Variants in LRMDA observed in about 807,000 individuals in gnomAD.
The protein encoded by LRMDA is leucine rich melanocyte differentiation associated, also known as leucine-rich melanocyte differentiation-associated protein.
A neutral mutation model predicts 29.8 loss-of-function variants in LRMDA; 18 were observed. That is an observed-to-expected ratio of 0.60 (90% confidence interval 0.42 to 0.90). LRMDA has a LOEUF of 0.90. Ranked by LOEUF, LRMDA falls within the 40% of genes least tolerant of loss-of-function variation. The pLI is 0.00. For missense variants in LRMDA, 273 were observed against 273.9 expected, an observed-to-expected ratio of 1.00 and a Z score of 0.02; for synonymous variants, 125 against 109.4, an observed-to-expected ratio of 1.14 and a Z score of -0.89.
Position 75,682,783 on chromosome 10 carries a change from C to T in LRMDA, c.131+244289C>T, listed in dbSNP as rs574307912. 1.7e-4 allele frequency among the ~76,000 whole-genome samples: 26 copies of T among 152,216 alleles called. No homozygotes were observed. The South Asian group carries it at 5.2e-3, about 30-fold the overall frequency. On this transcript the variant is annotated intron_variant, in intron 2 of 6. Coordinates refer to ENST00000611255, the MANE Select transcript of LRMDA (RefSeq NM_001305581.2). ...TTCCTCACAAGGACTTTCCTTTTAC[C>T]TTGAGCCTGACTGTTTGACTCAGCG...
At chr10:75,473,498 G>A (rs980772430) in intron 2 of LRMDA, among the ~76,000 whole-genome samples, 1 of 152,262 alleles carries the variant, frequency 6.6e-6, no homozygotes, top group Non-Finnish European at 1.5e-5. Context: ...CAGTCTTGCG[G>A]TGCAATCTCC....
intron 2 of LRMDA, among the ~76,000 whole-genome samples, chr10:75,731,487 T>C (rs923597781): frequency 5.3e-5 from 8 of 152,228 alleles, no homozygotes; most frequent in Non-Finnish European, 1.2e-4. Context: ...TGCCCAGTGC[T>C]TAAGATAGTG....
At chr10:76,134,353 T>C (rs1419501069) in intron 5 of LRMDA, among the ~76,000 whole-genome samples, 1 of 152,206 alleles carries the variant, frequency 6.6e-6, no homozygotes, top group African/African-American at 2.4e-5. Context: ...CCCAAATGTT[T>C]TTGTTCAGAT....
chr10:76,504,507 A>T (rs1842940979), intron 6 of LRMDA, among the ~76,000 whole-genome samples: 1 of 152,040 alleles, frequency 6.6e-6, no homozygotes, highest in African/African-American at 2.4e-5. Flanking sequence ...TGTTGGGTAC[A>T]TATATGTTTA....
At chr10:76,262,493 C>T (rs1014736977) in intron 5 of LRMDA, among the ~76,000 whole-genome samples, 5 of 152,190 alleles carry the variant, frequency 3.3e-5, no homozygotes, top group Admixed American at 3.3e-4. Context: ...GTTTATGAGT[C>T]TTTTCCCATT....
At chr10:76,494,954 T>C (rs1907324) in intron 6 of LRMDA, among the ~76,000 whole-genome samples, 105,519 of 151,588 alleles carry the variant, frequency 0.7, 38,128 homozygotes, top group Non-Finnish European at 0.81. Context: ...TGTCTTTGTA[T>C]CTTTCTTAAC....
intron 2 of LRMDA, among the ~76,000 whole-genome samples, chr10:75,532,414 T>C (rs1845488093): frequency 6.6e-6 from 1 of 152,140 alleles, no homozygotes; most frequent in African/African-American, 2.4e-5. Context: ...ATGTAATTTT[T>C]GGGCCTGGGT....
At chr10:75,542,462 G>T (rs1312025205) in intron 2 of LRMDA, among the ~76,000 whole-genome samples, 1 of 151,994 alleles carries the variant, frequency 6.6e-6, no homozygotes, top group Non-Finnish European at 1.5e-5. Context: ...CCTTCCTGAA[G>T]AATTTAATTG....
intron 2 of LRMDA, among the ~76,000 whole-genome samples, chr10:75,913,114 T>C (rs186240846): frequency 3.9e-5 from 6 of 152,310 alleles, no homozygotes; most frequent in Admixed American, 2.0e-4. Flanking sequence ...TAGTTTTTTT[T>C]CTTAATGATT....
intron 5 of LRMDA, among the ~76,000 whole-genome samples, chr10:76,108,920 C>T (rs781576026): frequency 2.0e-5 from 3 of 152,136 alleles, no homozygotes; most frequent in Non-Finnish European, 2.9e-5. Context: ...TTCCATTTCC[C>T]ACAAGGCCAA....
At chr10:75,650,361 T>A (rs1392710532) in intron 2 of LRMDA, among the ~76,000 whole-genome samples, 1 of 152,254 alleles carries the variant, frequency 6.6e-6, no homozygotes, top group East Asian at 1.9e-4. Flanking sequence ...TCCAGCACAA[T>A]TTGTTGTAAA....
At chr10:75,693,130 G>T (rs1842192633) in intron 2 of LRMDA, among the ~76,000 whole-genome samples, 1 of 152,132 alleles carries the variant, frequency 6.6e-6, no homozygotes, top group Non-Finnish European at 1.5e-5. Context: ...GTGCTTGGCT[G>T]GTGTAATTTT....
intron 5 of LRMDA, among the ~76,000 whole-genome samples, chr10:76,136,778 G>A: frequency 6.6e-6 from 1 of 152,176 alleles, no homozygotes; most frequent in South Asian, 2.1e-4. Context: ...ATCCGATACA[G>A]TCAATATTTG....
chr10:75,639,593 T>G (rs1366371360), intron 2 of LRMDA, among the ~76,000 whole-genome samples: 2 of 152,196 alleles, frequency 1.3e-5, no homozygotes, highest in Non-Finnish European at 2.9e-5. Flanking sequence ...GTTCTCTCAT[T>G]CAGCCATGCG....
intron 5 of LRMDA, among the ~76,000 whole-genome samples, chr10:76,235,769 T>A (rs1852141671): frequency 1.3e-5 from 2 of 152,192 alleles, no homozygotes; most frequent in African/African-American, 4.8e-5. Flanking sequence ...GTATGACGAA[T>A]AAGGGTTGTC....
chr10:75,534,630 G>A (rs1839922466), intron 2 of LRMDA, among the ~76,000 whole-genome samples: 2 of 152,176 alleles, frequency 1.3e-5, no homozygotes, highest in African/African-American at 2.4e-5. Flanking sequence ...GTTAGACATA[G>A]ACATAGCCTC....
chr10:75,549,669 T>C (rs1221575110), intron 2 of LRMDA, among the ~76,000 whole-genome samples: 2 of 152,190 alleles, frequency 1.3e-5, no homozygotes, highest in African/African-American at 4.8e-5. Context: ...TTATGCACAA[T>C]TAATTCCCTT....
chr10:75,433,332 C>T (rs958767647), intron 1 of LRMDA, among the ~76,000 whole-genome samples: 20 of 152,176 alleles, frequency 1.3e-4, no homozygotes, highest in Non-Finnish European at 2.5e-4. Flanking sequence ...TTTCCTGCAG[C>T]CCCTGTTCTT....
chr10:76,332,405 A>G (rs1840915010), intron 6 of LRMDA, among the ~76,000 whole-genome samples: 1 of 152,144 alleles, frequency 6.6e-6, no homozygotes, highest in Admixed American at 6.5e-5. Context: ...CTTTATTTCT[A>G]TTCTTTGGGC....
Sources: allele counts gnomAD v4.1 joint callset (sites outside exome capture counted in the v4.1 genomes callset), GRCh38; gene constraint gnomAD v4.1.1; transcripts MANE v1.5; gene names NCBI Gene and HGNC (gene_info 2026-07-23, HGNC 2026-07-21).